The following TMEM131 variants were observed in gnomAD, a reference collection of about 807,000 sequenced individuals.
TMEM131 encodes 2610524E03Rik.
TMEM131 carries 66 observed loss-of-function variants against 211.6 expected under a neutral mutation model. That is an observed-to-expected ratio of 0.31 (90% CI 0.26 to 0.38). TMEM131 has a LOEUF of 0.38. TMEM131 is among the 10% of genes least tolerant of loss of function. TMEM131 has a pLI of 1.00. For missense variants in TMEM131, 2,036 were observed against 2,299.3 expected (o/e 0.89, Z 2.34); for synonymous variants, 844 against 841.3 (o/e 1.00, Z -0.06).
chr2:97,922,896 A>G (rs1212850618), intron 2 of TMEM131, among the ~76,000 whole-genome samples: 1 of 152,192 alleles, frequency 6.6e-6, no homozygotes, highest in African/African-American at 2.4e-5. Flanking sequence ...CTCACAATAA[A>G]CACTTTAAAG....
At chr2:97,965,891 G>A (rs1679034327) in intron 1 of TMEM131, among the ~76,000 whole-genome samples, 1 of 151,754 alleles carries the variant, frequency 6.6e-6, no homozygotes, top group Non-Finnish European at 1.5e-5. Context: ...AGAACTAGAT[G>A]GCATTAGTCA....
At chr2:97,819,841 T>C (rs766265933) in intron 11 of TMEM131, among the ~76,000 whole-genome samples, 18 of 152,198 alleles carry the variant, frequency 1.2e-4, no homozygotes, top group Non-Finnish European at 2.2e-4. Flanking sequence ...TTCTTCCCCC[T>C]GGATCCCTGC....
At chr2:97,976,308 T>TA (rs1258810332) in intron 1 of TMEM131, among the ~76,000 whole-genome samples, 1 of 152,142 alleles carries the variant, frequency 6.6e-6, no homozygotes, top group African/African-American at 2.4e-5. Flanking sequence ...GAAAAGCTAT[T>TA]AGAACTATTA....
rs1318141880 is a variant in TMEM131, at chr2:97,802,507, C to G, written c.2572G>C (p.Asp858His). 2 of 1,611,956 alleles carry G rather than the reference C, an allele frequency of 1.2e-6. No individual in the cohort carries two copies. Among genetic ancestry groups the G allele is most frequent in the Non-Finnish European group, 1.7e-6 (2 of 1,179,228 alleles). ...EEEITLENPA[D>H]VPVYVQFIPL... The stretch of plus-strand genomic sequence containing the variant: ...ATAAACTGAACATAGACAGGAACAT[C>G]TGCAGGATTTTCTAAAGTAATCTCT... Residue 858 changes from aspartate (D) to histidine (H), a missense_variant, in exon 24 of 41, where the codon GAT becomes CAT. Physicochemically the swap from Asp to His is moderately conservative, Grantham distance 81. Around this residue, in one of 3 missense-constraint regions of TMEM131, gnomAD observed 1,623 missense variants for 1,805.9 expected, o/e 0.90. Transcript: ENST00000186436.
intron 29 of TMEM131, among the ~76,000 whole-genome samples, chr2:97,794,015 AC>A (rs140951924): frequency 0.05 from 6,071 of 121,480 alleles, 665 homozygotes; most frequent in Admixed American, 0.066. Flanking sequence ...AAAAAAAAAA[AC>A]AAAAAACCCA....
chr2:97,994,970 T>C (rs139359952), intron 1 of TMEM131, among the ~76,000 whole-genome samples: 239 of 152,360 alleles, frequency 1.6e-3, no homozygotes, highest in African/African-American at 5.6e-3. Flanking sequence ...TTAGGTCTAA[T>C]AATAAAGTTA....
intron 3 of TMEM131, among the ~76,000 whole-genome samples, chr2:97,898,736 G>T (rs1675723630): frequency 6.6e-6 from 1 of 152,132 alleles, no homozygotes; most frequent in African/African-American, 2.4e-5. Context: ...AGCAGACTAA[G>T]ATATGTTGTA....
At chr2:97,900,182 G>A (rs930483058) in intron 3 of TMEM131, among the ~76,000 whole-genome samples, 1 of 152,096 alleles carries the variant, frequency 6.6e-6, no homozygotes, top group Non-Finnish European at 1.5e-5. Context: ...GTATTGTACA[G>A]CTAGCCCAGG....
At chr2:97,820,074 A>C (rs1308439047) in intron 11 of TMEM131, among the ~76,000 whole-genome samples, 2 of 152,248 alleles carry the variant, frequency 1.3e-5, no homozygotes, top group African/African-American at 4.8e-5. Context: ...CTGGGCTGTC[A>C]GCAAGTGTTC....
At chr2:97,855,905 T>C (rs1673824287) in intron 5 of TMEM131, among the ~76,000 whole-genome samples, 1 of 152,114 alleles carries the variant, frequency 6.6e-6, no homozygotes, top group African/African-American at 2.4e-5. Flanking sequence ...TCCTTCTATA[T>C]CTAATTAAAA....
At chr2:97,862,618 T>C (rs1573474493) in intron 4 of TMEM131, among the ~76,000 whole-genome samples, 1 of 152,024 alleles carries the variant, frequency 6.6e-6, no homozygotes, top group Non-Finnish European at 1.5e-5. Flanking sequence ...AGTTTCTTAA[T>C]AGCAGAATTG....
At chr2:97,844,307 T>C (rs976362670) in intron 5 of TMEM131, 46 bp from the exon 6 acceptor site, 18 of 642,588 alleles carry the variant, frequency 2.8e-5, no homozygotes, top group Non-Finnish European at 4.0e-5. Context: ...AAAAAAATTA[T>C]ACAGCTCAAG....
At chr2:97,928,761 C>T (rs2104448285) in intron 1 of TMEM131, among the ~76,000 whole-genome samples, 1 of 151,834 alleles carries the variant, frequency 6.6e-6, no homozygotes, top group Admixed American at 6.5e-5. Context: ...CAATTAAGTA[C>T]ACAGATGGTG....
intron 1 of TMEM131, among the ~76,000 whole-genome samples, chr2:97,947,660 A>T (rs1380630427): frequency 6.6e-6 from 1 of 152,148 alleles, no homozygotes; most frequent in Non-Finnish European, 1.5e-5. Flanking sequence ...ATACAATTCC[A>T]ATCAAGTTTT....
chr2:97,825,233 C>T (rs1682321176), intron 11 of TMEM131, among the ~76,000 whole-genome samples: 1 of 152,210 alleles, frequency 6.6e-6, no homozygotes, highest in Non-Finnish European at 1.5e-5. Flanking sequence ...GGATGACTTA[C>T]TTTTGGCTAT....
intron 1 of TMEM131, among the ~76,000 whole-genome samples, chr2:97,957,285 C>T (rs1379815446): frequency 2.0e-5 from 3 of 151,974 alleles, no homozygotes; most frequent in Admixed American, 6.5e-5. Context: ...TTTTGTTGTG[C>T]CTGGTACTTA....
In TMEM131 at chr2:97,805,658, G is replaced by C. The variant is rs369519862; in HGVS notation, c.2101C>G (p.Gln701Glu). The C allele has an allele frequency of 5.3e-5, 86 of 1,607,766 alleles. No homozygotes were observed. The highest frequency in any genetic ancestry group is 6.8e-5 in the Non-Finnish European group (80 of 1,175,812). ...CGTATTTGCTGTATTTTTACCTTCT[G>C]TGAGAAGGAATTCATAATATTTAAA... The part of the protein sequence containing the change: ...QSLNIMNSFS[Q>E]KVKIQQIRSL... The change falls in exon 20 of 41, where the codon CAG (glutamine) becomes GAG (glutamate). Residue 701 changes from glutamine (Q) to glutamate (E), a missense_variant. Transcript: ENST00000186436.
Position 97,795,044 on chromosome 2 carries a change from A to G in TMEM131, c.3272T>C (p.Phe1091Ser). The part of the protein sequence containing the change: ...LKFITTSGSE[F>S]VFILNASLPY... Reference sequence around the variant, plus strand: ...AAGGGATGCATTCAATATAAATACAAACTCAGAGCCACTGGTTGTTATAAA... The same window carrying G: ...AAGGGATGCATTCAATATAAATACAGACTCAGAGCCACTGGTTGTTATAAA... The change falls in exon 29 of 41, where the codon TTT becomes TCT. Residue 1091 changes from phenylalanine to serine, a missense_variant. Physicochemically the swap from Phe to Ser is radical, Grantham distance 155. Coordinates refer to ENST00000186436, the MANE Select transcript of TMEM131 (RefSeq NM_015348.2). 1 of 1,613,946 alleles carries G rather than the reference A, an allele frequency of 6.2e-7. No individual in the cohort carries two copies. Among genetic ancestry groups the G allele is most frequent in the Non-Finnish European group, 8.5e-7 (1 of 1,179,828 alleles).
intron 11 of TMEM131, among the ~76,000 whole-genome samples, chr2:97,830,708 T>C (rs1682638163): frequency 6.6e-6 from 1 of 152,198 alleles, no homozygotes; most frequent in South Asian, 2.1e-4. Context: ...AGCACTAATG[T>C]TTTGTAAATG....
Sources: gnomAD v4.1 joint callset for allele counts (sites outside exome capture counted in the v4.1 genomes callset) on GRCh38, gnomAD v4.1.1 for gene constraint, gnomAD v4.1.1 regional missense constraint, MANE v1.5 for transcripts, NCBI Gene and HGNC (gene_info 2026-07-23, HGNC 2026-07-21) for gene names.